Variants in KIAA1210 observed in about 807,000 individuals in gnomAD.
KIAA1210 encodes acrosomal protein KIAA1210.
KIAA1210 carries 48 observed loss-of-function variants against 78.9 expected under a neutral mutation model. That is an observed-to-expected ratio of 0.61 (90% CI 0.48 to 0.77). The LOEUF is 0.77. Among genes scored for constraint, KIAA1210 ranks in the 30% least tolerant of loss-of-function variants. KIAA1210 has a pLI of 0.00. For missense variants in KIAA1210, 1,108 were observed against 1,100.0 expected (o/e 1.01, Z -0.10); for synonymous variants, 406 against 404.5 (o/e 1.00, Z -0.04).
rs1569311906 is a variant in KIAA1210, at chrX:119,087,483, T to G, written c.3219A>C (p.Gly1073=). 1.7e-6 allele frequency: 2 copies of G among 1,209,937 alleles called. No individual in the cohort carries two copies. The highest frequency in any genetic ancestry group is 3.5e-5 in the African/African-American group (2 of 57,710). ...TAGGTAGCATCTTTGAAGAAATGCC[T>G]CCCTTAGGATTAGCACTCCCTGAAT... ...FSDSGSANPK[G]GISSKMLPMK... Residue 1073 remains glycine (G), a synonymous_variant, in exon 9 of 12, where the codon GGA becomes GGC. Coordinates refer to ENST00000691062, the MANE Select transcript of KIAA1210 (RefSeq NM_001394962.1).
intron 1 of KIAA1210, 111 bp from the exon 2 acceptor site, chrX:119,123,763 T>C (rs1928536648): frequency 2.1e-6 from 1 of 479,192 alleles, no homozygotes. Context: ...TAAAATAGCC[T>C]AGAAAAAATA....
chrX:119,124,976 C>A (rs770063237), intron 1 of KIAA1210, among the ~76,000 whole-genome samples: 1 of 109,852 alleles, frequency 9.1e-6, no homozygotes, highest in Non-Finnish European at 1.9e-5. Context: ...ACAAATATAA[C>A]AGATACAGGG....
chrX:119,087,211 G>C lies in KIAA1210; in HGVS notation c.3491C>G (p.Ser1164Cys). ...TGATGACATCTGTGGCTGGAATTTA[G>C]ACCTATCTGAGGCTTGGGAAGAATG... is the stretch of plus-strand genomic sequence containing the variant. ...PKHSSQASDRSKFQPQMSSKG... is the reference protein window; with the variant it reads ...PKHSSQASDRCKFQPQMSSKG... The change falls in exon 9 of 12, where the codon TCT becomes TGT. Residue 1164 changes from serine to cysteine, a missense_variant. Ser to Cys is a moderately radical substitution (Grantham distance 112). Around this residue, in one of 5 missense-constraint regions of KIAA1210, gnomAD observed 245 missense variants for 278.8 expected, o/e 0.88. Transcript: ENST00000691062. The C allele has an allele frequency of 8.3e-7, 1 of 1,211,464 alleles. No individual in the cohort carries two copies. The highest frequency in any genetic ancestry group is 1.8e-5 in the South Asian group (1 of 56,937).
chrX:119,086,550 G>T lies in KIAA1210; in HGVS notation c.4152C>A (p.Thr1384=). The T allele has an allele frequency of 8.3e-7, 1 of 1,197,951 alleles. No homozygotes were observed. Among genetic ancestry groups the T allele is most frequent in the Non-Finnish European group, 1.1e-6 (1 of 889,782 alleles). The part of the protein sequence containing the change: ...SMAKKQPACK[T]PGKPAGQQSD... ...CTGGAGAGATAAAAGCCTTACCTGG[G>T]GTCTTGCAAGCAGGTTGCTTCTTGG... The change falls in exon 9 of 12, where the codon ACC becomes ACA. Residue 1384 remains threonine (T), a synonymous_variant. Transcript: ENST00000691062.
chrX:119,097,639 G>A (rs1347662530), intron 6 of KIAA1210, among the ~76,000 whole-genome samples: 1 of 112,256 alleles, frequency 8.9e-6, no homozygotes, highest in Non-Finnish European at 1.9e-5. Context: ...GGTACTTGCA[G>A]CTTTCACATG....
intron 5 of KIAA1210, among the ~76,000 whole-genome samples, chrX:119,106,109 C>T (rs940766210): frequency 5.4e-5 from 6 of 111,800 alleles, no homozygotes; most frequent in Non-Finnish European, 5.6e-5. Context: ...TCCTGGGGTG[C>T]TCCTGGCCAG....
chrX:119,082,432 C>T (rs1264794826), intron 11 of KIAA1210, among the ~76,000 whole-genome samples: 2 of 111,957 alleles, frequency 1.8e-5, no homozygotes, highest in Admixed American at 1.9e-4. Flanking sequence ...CATCCACTCC[C>T]CTGCTCCTGC....
At chrX:119,097,286 C>T (rs754770633) in intron 6 of KIAA1210, among the ~76,000 whole-genome samples, 30 of 111,573 alleles carry the variant, frequency 2.7e-4, no homozygotes, top group Admixed American at 2.5e-3. Flanking sequence ...GTGATGGAGC[C>T]TGTAACCCTG....
At chrX:119,120,239 G>A (rs57489267) in intron 2 of KIAA1210, among the ~76,000 whole-genome samples, 1 of 111,586 alleles carries the variant, frequency 9.0e-6, no homozygotes, top group Non-Finnish European at 1.9e-5. Context: ...ATTCTTGACA[G>A]GTGGATCTCA....
intron 2 of KIAA1210, among the ~76,000 whole-genome samples, chrX:119,133,671 CTTT>C (rs1304936746): frequency 1.0e-5 from 1 of 95,520 alleles, no homozygotes; most frequent in African/African-American, 4.0e-5. Context: ...TCTTTTCTTT[CTTT>C]TTTTTTTTTT....
chrX:119,091,656 G>A (rs1483967508), intron 8 of KIAA1210, among the ~76,000 whole-genome samples: 1 of 111,475 alleles, frequency 9.0e-6, no homozygotes, highest in African/African-American at 3.3e-5. Context: ...CTCCATCTAG[G>A]GGTTTCATAC....
At chrX:119,108,193 C>A (rs768691649) in intron 5 of KIAA1210, 144 bp downstream of exon 5, 40 of 513,787 alleles carry the variant, frequency 7.8e-5, no homozygotes, top group African/African-American at 7.1e-4. Context: ...ATTATACCCA[C>A]TGTAGATGAG....
intron 2 of KIAA1210, among the ~76,000 whole-genome samples, chrX:119,142,359 A>C (rs2147200105): frequency 8.9e-6 from 1 of 112,181 alleles, no homozygotes; most frequent in East Asian, 2.8e-4. Context: ...TAAAAAGAAA[A>C]GACTTTGATT....
At chrX:119,150,800 G>T (rs1364441079), upstream of KIAA1210, among the ~76,000 whole-genome samples, 2 of 112,664 alleles carry the variant, frequency 1.8e-5, no homozygotes, top group Non-Finnish European at 1.9e-5. Context: ...CCCACCCCCG[G>T]GTCATTCCTC....
In KIAA1210 at chrX:119,092,759, TTAAA is replaced by T. The variant is rs3049064; in HGVS notation, c.955+904_955+907del. 8.0e-3 allele frequency among the ~76,000 whole-genome samples: 683 copies of T among 85,311 alleles called. 6 individuals carry two copies. The highest frequency in any genetic ancestry group is 0.044 in the East Asian group (119 of 2,703). The allele number at this position is 85,311 out of a possible 115,157, so 74.1% of individuals were successfully genotyped here. A position where few individuals can be genotyped will look rare whatever the true frequency, so the allele number is the denominator to read the frequency against. On this transcript the variant is annotated intron_variant, in intron 8 of 11. Transcript: ENST00000691062. ...CTGGGTGACAGAGTGAGACTCCGTC[TTAAA>T]TAAATAAATAAATAAATAAATAAAT...
At chrX:119,107,804 C>A (rs928305142) in intron 5 of KIAA1210, among the ~76,000 whole-genome samples, 3 of 112,008 alleles carry the variant, frequency 2.7e-5, no homozygotes, top group African/African-American at 9.7e-5. Context: ...ATTCCACCCA[C>A]AGGCTGAGAC....
intron 8 of KIAA1210, 70 bp from the exon 9 acceptor site, chrX:119,089,816 C>T (rs1227946089): frequency 2.0e-6 from 2 of 1,021,367 alleles, no homozygotes; most frequent in Admixed American, 2.9e-5. Context: ...GAATACTGTG[C>T]CCTGGCCCAG....
Position 119,081,403 on chromosome X carries a change from T to C in KIAA1210, c.4528A>G (p.Ile1510Val), listed in dbSNP as rs188422442. The change falls in exon 12 of 12, where the codon ATT becomes GTT. Residue 1510 changes from isoleucine (I) to valine (V), a missense_variant. This residue lies in a region of KIAA1210 where 245 missense variants were observed against 278.8 expected (regional missense o/e 0.88). Transcript: ENST00000691062. The part of the protein sequence containing the change: ...PAKFQNPVEP[I>V]EPVWFSLARK... ...GCCAGTGAGAACCAGACAGGCTCAA[T>C]TGGCTCAACTGGGTTCTGGAACTTG... 50 of 1,208,709 alleles carry C rather than the reference T, an allele frequency of 4.1e-5. No homozygotes were observed. The African/African-American group carries it at 4.7e-4, about 11-fold the overall frequency.
chrX:119,087,654 C>T lies in KIAA1210; in HGVS notation c.3048G>A (p.Pro1016=), dbSNP rs529683549. 2.5e-6 allele frequency: 3 copies of T among 1,209,375 alleles called. No individual in the cohort carries two copies. The highest frequency in any genetic ancestry group is 3.5e-5 in the African/African-American group (2 of 57,128). ...CCATAAATTTCACGAATGACTGGGT[C>T]GGACGCCTGGGAATCGGTGATTTGT... ...TSNKSPIPRR[P]TQSFVKFMAQ... The change falls in exon 9 of 12, where the codon CCG becomes CCA. Residue 1016 remains proline (P), a synonymous_variant. Coordinates refer to ENST00000691062, the MANE Select transcript of KIAA1210 (RefSeq NM_001394962.1).
Sources: gnomAD v4.1 joint callset for allele counts (sites outside exome capture counted in the v4.1 genomes callset) on GRCh38, gnomAD v4.1.1 for gene constraint, gnomAD v4.1.1 regional missense constraint, MANE v1.5 for transcripts, NCBI Gene and HGNC (gene_info 2026-07-23, HGNC 2026-07-21) for gene names.